Variants in CCDC136 observed in about 807,000 individuals in gnomAD.
CCDC136 encodes the protein coiled-coil domain-containing protein 136.
Under a neutral mutation model 141.2 loss-of-function variants are expected in CCDC136, and 100 were observed. That is an observed-to-expected ratio of 0.71 (90% CI 0.60 to 0.84). The LOEUF (loss-of-function observed/expected upper bound fraction) is 0.84, where lower values mean the gene tolerates loss of function less well. Ranked by LOEUF, CCDC136 falls within the 40% of genes least tolerant of loss-of-function variation. The pLI is 0.00. For synonymous variants in CCDC136, 474 were observed against 531.9 expected, an observed-to-expected ratio of 0.89 and a Z score of 1.50; for missense variants, 1,206 against 1,379.4, an observed-to-expected ratio of 0.87 and a Z score of 1.99.
At chr7:128,808,944 A>G in intron 10 of CCDC136, 2 of 985,348 alleles carry the variant, frequency 2.0e-6, no homozygotes, top group Non-Finnish European at 2.4e-6. Context: ...ACCCAAATTT[A>G]CCAATAGCGC....
rs959696462 is a variant in CCDC136 at position 128,801,453 on chromosome 7, T to C, written c.614T>C (p.Met205Thr). The C allele has an allele frequency of 6.2e-7, 1 of 1,613,110 alleles. No homozygotes were observed. The highest frequency in any genetic ancestry group is 8.5e-7 in the Non-Finnish European group (1 of 1,179,706). ...EIASLRAEME[M>T]KSSEPSGSLG... ...GCCTCCCTCCGTGCAGAAATGGAAA[T>C]GAAGAGCTCTGAACCATCCGGTAGT... is the stretch of plus-strand genomic sequence containing the variant. The change falls in exon 4 of 18, where the codon ATG (methionine) becomes ACG (threonine). Residue 205 changes from methionine (M) to threonine (T), a missense_variant. Physicochemically the swap from Met to Thr is moderately conservative, Grantham distance 81. Coordinates refer to ENST00000297788, the MANE Select transcript of CCDC136 (RefSeq NM_022742.5).
intron 17 of CCDC136, among the ~76,000 whole-genome samples, chr7:128,820,330 C>A (rs1807268559): frequency 6.6e-6 from 1 of 152,212 alleles, no homozygotes; most frequent in South Asian, 2.1e-4. Flanking sequence ...AACTCAACGT[C>A]CAAAAACATG....
chr7:128,798,750 A>C (rs1044348177), intron 3 of CCDC136, among the ~76,000 whole-genome samples: 2 of 152,154 alleles, frequency 1.3e-5, no homozygotes, highest in African/African-American at 4.8e-5. Flanking sequence ...TAGTGGGGGT[A>C]GAGCGGACTT....
chr7:128,820,687 C>G (rs1807324130), intron 17 of CCDC136, among the ~76,000 whole-genome samples: 1 of 152,212 alleles, frequency 6.6e-6, no homozygotes, highest in Admixed American at 6.5e-5. Flanking sequence ...TAACTTTGAA[C>G]TCCCGGTCTC....
intron 13 of CCDC136, 133 bp from the exon 14 acceptor site, chr7:128,812,575 A>G: frequency 4.0e-6 from 3 of 742,440 alleles, no homozygotes; most frequent in Non-Finnish European, 6.8e-6. Flanking sequence ...TTATGGGGGT[A>G]AATATAGTAA....
intron 3 of CCDC136, among the ~76,000 whole-genome samples, chr7:128,798,931 G>A (rs1803538541): frequency 1.3e-5 from 2 of 148,344 alleles, no homozygotes; most frequent in African/African-American, 2.5e-5. Context: ...TGAGCTCAGG[G>A]GAGCAGGGTA....
chr7:128,805,638 TG>T lies in CCDC136; in HGVS notation c.948+118del. ...TCCACTGTGGAGGGAGATAGTACTC[TG>T]GGGTCTCACTTGCCTGATGTAAATC... is the stretch of plus-strand genomic sequence containing the variant. On this transcript the variant is annotated intron_variant, in intron 6 of 17. Coordinates refer to ENST00000297788, the MANE Select transcript of CCDC136 (RefSeq NM_022742.5). The surrounding 1 kb of genome is among the most constrained non-coding windows in gnomAD (Gnocchi z 4.6). 3.3e-6 allele frequency: 5 copies of T among 1,528,438 alleles called. No homozygotes were observed. The allele number at this position is 1,528,438 out of a possible 1,614,324, so 94.7% of individuals were successfully genotyped here. A position where few individuals can be genotyped will look rare whatever the true frequency, so the allele number is the denominator to read the frequency against.
At position 128,809,538 on chromosome 7, in the gene CCDC136, G is replaced by A. The variant is rs1332614964; in HGVS notation, c.1694G>A (p.Cys565Tyr). The A allele has an allele frequency of 1.3e-6, 2 of 1,559,990 alleles. No homozygotes were observed. Among genetic ancestry groups the A allele is most frequent in the Non-Finnish European group, 1.7e-6 (2 of 1,152,534 alleles). ...KEMGQLQMEQCELLEDQRRMQ... is the reference protein window; with the variant it reads ...KEMGQLQMEQYELLEDQRRMQ... ...ATGGGGCAGCTGCAGATGGAGCAGT[G>A]TGAGCTCCTGGAGGATCAGAGGAGG... The change falls in exon 11 of 18, where the codon TGT becomes TAT. Residue 565 changes from cysteine (C) to tyrosine (Y), a missense_variant. Coordinates refer to ENST00000297788, the MANE Select transcript of CCDC136 (RefSeq NM_022742.5).
At chr7:128,799,403 T>G (rs1585065549) in intron 3 of CCDC136, among the ~76,000 whole-genome samples, 1 of 151,826 alleles carries the variant, frequency 6.6e-6, no homozygotes, top group African/African-American at 2.4e-5. Flanking sequence ...TAAGAGATAC[T>G]TAGCAAAAGT....
rs746230430 is a variant in CCDC136, at chr7:128,805,712, T to C, written c.949-49T>C. The C allele has an allele frequency of 6.2e-7, 1 of 1,604,972 alleles. No homozygotes were observed. The highest frequency in any genetic ancestry group is 1.7e-5 in the Admixed American group (1 of 58,512). ...TTTCCCCAAGCTTGTTCTTGGAGCA[T>C]ATGTGGTATCTGTAGTAAACAAGCC... On this transcript the variant is annotated intron_variant, in intron 6 of 17. Transcript: ENST00000297788. The surrounding 1 kb of genome is among the most constrained non-coding windows in gnomAD (Gnocchi z 4.6).
intron 17 of CCDC136, chr7:128,818,173 A>G (rs1806931079): frequency 6.1e-6 from 2 of 327,218 alleles, no homozygotes; most frequent in South Asian, 6.5e-5. Context: ...CTGCCTCACT[A>G]CTTCTTTATC....
chr7:128,811,672 G>A (rs1261932947), intron 12 of CCDC136, 128 bp from the exon 13 acceptor site: 6 of 810,986 alleles, frequency 7.4e-6, no homozygotes, highest in Middle Eastern at 7.1e-4. Flanking sequence ...GACATAGGCC[G>A]GGGTGAGGTG....
chr7:128,805,267 G>A lies in CCDC136; in HGVS notation c.783-92G>A, dbSNP rs1003878000. 20 of 1,080,164 alleles carry A rather than the reference G, an allele frequency of 1.9e-5. No homozygotes were observed. In the South Asian group the frequency reaches 2.3e-4, roughly 12 times the overall value. The allele number at this position is 1,080,164 out of a possible 1,614,324, so 66.9% of individuals were successfully genotyped here. A position where few individuals can be genotyped will look rare whatever the true frequency, so the allele number is the denominator to read the frequency against. Reference sequence around the variant, plus strand: ...AATAGAAGGCCCCTTACTATCTTTGGCCTAAAATGAAGGTATCAGGACAAA... The same window carrying A: ...AATAGAAGGCCCCTTACTATCTTTGACCTAAAATGAAGGTATCAGGACAAA... On this transcript the variant is annotated intron_variant, in intron 5 of 17. Transcript: ENST00000297788. This position sits in a 1 kb window ranked among gnomAD's most constrained non-coding sequence, Gnocchi z 4.6.
At position 128,812,823 on chromosome 7, in the gene CCDC136, C is replaced by T. The variant is rs753437562; in HGVS notation, c.2657C>T (p.Ala886Val). Residue 886 changes from alanine (A) to valine (V), a missense_variant, in exon 14 of 18, where the codon GCC becomes GTC. Coordinates refer to ENST00000297788, the MANE Select transcript of CCDC136 (RefSeq NM_022742.5). ...CAAGAGCAGATGGAAAAGTTACTGGCCAAGCAGAAAGACCTGAAGGAAGAG... is the reference window on the plus strand; with the variant it reads ...CAAGAGCAGATGGAAAAGTTACTGGTCAAGCAGAAAGACCTGAAGGAAGAG... ...QLQEQMEKLL[A>V]KQKDLKEELD... 5 of 1,613,204 alleles carry T rather than the reference C, an allele frequency of 3.1e-6. No homozygotes were observed. The highest frequency in any genetic ancestry group is 1.7e-6 in the Non-Finnish European group (2 of 1,179,700).
At chr7:128,803,257 T>A (rs1804317279) in intron 4 of CCDC136, among the ~76,000 whole-genome samples, 1 of 152,182 alleles carries the variant, frequency 6.6e-6, no homozygotes, top group Non-Finnish European at 1.5e-5. Context: ...CCTTCTACCT[T>A]GGCCTTCCAA....
At position 128,806,817 on chromosome 7, in the gene CCDC136, C is replaced by T. The variant is rs374219801; in HGVS notation, c.1378C>T (p.Leu460Phe). Residue 460 changes from leucine (L) to phenylalanine (F), a missense_variant, in exon 9 of 18, where the codon CTC becomes TTC. Coordinates refer to ENST00000297788, the MANE Select transcript of CCDC136 (RefSeq NM_022742.5). ...GTGCCATGAGGCAGAGCTGCAGCAC[C>T]TCAGGGATACGGTGGCCTCCTTCAA... is the stretch of plus-strand genomic sequence containing the variant. ...LQCHEAELQH[L>F]RDTVASFKES... 11 of 1,612,738 alleles carry T rather than the reference C, an allele frequency of 6.8e-6. No individual in the cohort carries two copies. In the South Asian group the frequency reaches 7.7e-5, roughly 11 times the overall value.
chr7:128,791,500 G>T, upstream of CCDC136: 1 of 1,303,192 alleles, frequency 7.7e-7, no homozygotes, highest in Non-Finnish European at 9.7e-7. This position sits in a 1 kb window ranked among gnomAD's most constrained non-coding sequence, Gnocchi z 7.1. Context: ...GGTCATGGAG[G>T]CGGGCGCCGG....
intron 3 of CCDC136, among the ~76,000 whole-genome samples, chr7:128,796,764 C>G (rs1241442907): frequency 9.3e-6 from 1 of 107,238 alleles, no homozygotes; most frequent in Non-Finnish European, 1.8e-5. Flanking sequence ...TTTTTTGAGA[C>G]GGAGTCTCGC....
Position 128,806,792 on chromosome 7 carries a change from G to C in CCDC136, c.1353G>C (p.Gln451His). Reference sequence around the variant, plus strand: ...AGCAGCAGCTGCAGGAGGAGCTGCAGTGCCATGAGGCAGAGCTGCAGCACC... The same window carrying C: ...AGCAGCAGCTGCAGGAGGAGCTGCACTGCCATGAGGCAGAGCTGCAGCACC... Reference protein sequence around the residue: ...ERQQQLQEELQCHEAELQHLR... With the variant: ...ERQQQLQEELHCHEAELQHLR... The change falls in exon 9 of 18, where the codon CAG (glutamine) becomes CAC (histidine). Residue 451 changes from glutamine (Q) to histidine (H), a missense_variant. Transcript: ENST00000297788. The C allele has an allele frequency of 6.2e-7, 1 of 1,612,818 alleles. No individual in the cohort carries two copies. The highest frequency in any genetic ancestry group is 8.5e-7 in the Non-Finnish European group (1 of 1,179,626).
Sources: allele counts gnomAD v4.1 joint callset (sites outside exome capture counted in the v4.1 genomes callset), GRCh38; gene constraint gnomAD v4.1.1; non-coding constraint Gnocchi (gnomAD v3.1); transcripts MANE v1.5; gene names NCBI Gene and HGNC (gene_info 2026-07-23, HGNC 2026-07-21).